Variants in TIAM2 observed in about 807,000 individuals in gnomAD.
TIAM2 encodes TIAM Rac1 associated GEF 2, also known as rho guanine nucleotide exchange factor TIAM2.
TIAM2 carries 80 observed loss-of-function variants against 152.9 expected under a neutral mutation model. That is an observed-to-expected ratio of 0.52 (90% CI 0.44 to 0.63). The LOEUF (loss-of-function observed/expected upper bound fraction) is 0.63, where lower values mean the gene tolerates loss of function less well. TIAM2 is among the 30% of genes least tolerant of loss of function. The pLI is 0.00. For missense variants in TIAM2, 1,965 were observed against 2,120.1 expected (o/e 0.93, Z 1.44); for synonymous variants, 804 against 838.0 (o/e 0.96, Z 0.70).
Position 155,043,633 on chromosome 6 carries a change from C to CAAAAA in TIAM2, c.-208-46636_-208-46632dup, listed in dbSNP as rs60093259. Among the ~76,000 whole-genome samples, 44 of 50,248 alleles carry CAAAAA rather than the reference C, an allele frequency of 8.8e-4. 1 individual carries two copies. Among genetic ancestry groups the CAAAAA allele is most frequent in the African/African-American group, 2.7e-3 (35 of 12,882 alleles). The allele number at this position is 50,248 out of a possible 152,430, so 33.0% of individuals were successfully genotyped here. ...TGGGTGACAGAGTGAGACCCTGTCTCAAAAAAAAAAAAAAAAAAAAAAAAG... is the reference window on the plus strand; with the variant it reads ...TGGGTGACAGAGTGAGACCCTGTCTCAAAAAAAAAAAAAAAAAAAAAAAAAAAAAG... On this transcript the variant is annotated intron_variant, in intron 1 of 26. Coordinates refer to ENST00000682666, the MANE Select transcript of TIAM2 (RefSeq NM_012454.4).
chr6:155,165,241 T>C (rs1780393331), intron 8 of TIAM2, 22 bp from the exon 9 acceptor site: 1 of 1,590,568 alleles, frequency 6.3e-7, no homozygotes, highest in African/African-American at 1.4e-5. Flanking sequence ...TTAGATTTTT[T>C]TTAAACTGTG....
At chr6:155,087,914 T>A (rs1421409654) in intron 1 of TIAM2, among the ~76,000 whole-genome samples, 1 of 151,770 alleles carries the variant, frequency 6.6e-6, no homozygotes, top group Non-Finnish European at 1.5e-5. Flanking sequence ...CTTGGTCAAA[T>A]CACACTACCT....
At chr6:155,158,213 A>G (rs543277660) in intron 7 of TIAM2, among the ~76,000 whole-genome samples, 34 of 152,294 alleles carry the variant, frequency 2.2e-4, no homozygotes, top group African/African-American at 8.2e-4. Flanking sequence ...TGTGGCAGGA[A>G]TGTACTTGTC....
intron 7 of TIAM2, among the ~76,000 whole-genome samples, chr6:155,153,121 A>C (rs752816515): frequency 2.6e-5 from 4 of 152,060 alleles, no homozygotes; most frequent in Non-Finnish European, 5.9e-5. Context: ...AGTTATTTTA[A>C]GTGCACCTTT....
chr6:155,250,504 C>A (rs771394338), intron 21 of TIAM2: 22 of 1,522,084 alleles, frequency 1.4e-5, no homozygotes, highest in Non-Finnish European at 1.8e-5. Flanking sequence ...GTCCTTCACT[C>A]TGGCCAGTTT....
In TIAM2 at chr6:155,071,850, C is replaced by T. The variant is rs187286087; in HGVS notation, c.-208-18439C>T. 5.2e-3 allele frequency among the ~76,000 whole-genome samples: 780 copies of T among 148,998 alleles called. 5 individuals are homozygous for T. The highest frequency in any genetic ancestry group is 8.6e-3 in the Non-Finnish European group (580 of 67,574). ...GGTGGAGGTTACAGTGAACCGAGAT[C>T]GCGTCACTGCACTCCATGCTGGGCA... On this transcript the variant is annotated intron_variant, in intron 1 of 26. Transcript: ENST00000682666.
intron 1 of TIAM2, among the ~76,000 whole-genome samples, chr6:155,033,294 T>C (rs899846047): frequency 6.6e-6 from 1 of 152,160 alleles, no homozygotes; most frequent in South Asian, 2.1e-4. Flanking sequence ...AGGAGCATGG[T>C]TACGTTTTAG....
rs545883458 is a variant in TIAM2 at position 155,059,568 on chromosome 6, G to A, written c.-208-30721G>A. The stretch of plus-strand genomic sequence containing the variant: ...TGACCTCAGGTGATCCACCCAGCCC[G>A]GCCTCCCAAAGTGTTGGGATTACAG... On this transcript the variant is annotated intron_variant, in intron 1 of 26. Coordinates refer to ENST00000682666, the MANE Select transcript of TIAM2 (RefSeq NM_012454.4). Among the ~76,000 whole-genome samples the A allele has an allele frequency of 2.0e-5, 3 of 152,046 alleles. No individual in the cohort carries two copies. The South Asian group carries it at 6.2e-4, about 32-fold the overall frequency.
At chr6:155,205,182 TAAAAAAAAAAAAAAAAAAAAAA>T (rs61272546) in intron 14 of TIAM2, among the ~76,000 whole-genome samples, 9 of 40,544 alleles carry the variant, frequency 2.2e-4, no homozygotes, top group African/African-American at 8.6e-4. Flanking sequence ...TATTAATTTC[TAAAAAAAAAAAAAAAAAAAAAA>T]AAAAAAAAAA....
chr6:155,150,841 C>T (rs761853577), intron 7 of TIAM2, among the ~76,000 whole-genome samples: 4 of 152,096 alleles, frequency 2.6e-5, no homozygotes, highest in Non-Finnish European at 4.4e-5. Flanking sequence ...ATCCTATTCA[C>T]GAGGGCTCAC....
At chr6:154,996,040 CG>C (rs1285165804) in intron 1 of TIAM2, among the ~76,000 whole-genome samples, 1 of 152,162 alleles carries the variant, frequency 6.6e-6, no homozygotes, top group Non-Finnish European at 1.5e-5. Flanking sequence ...TTTCCGAGCG[CG>C]GGAGCCATCC....
chr6:155,054,253 G>C lies in TIAM2; in HGVS notation c.-208-36036G>C, dbSNP rs972550810. Reference sequence around the variant, plus strand: ...TGTGCATCCCCCCTGAGAGGCACTCGTACTCTGTGCACTGATGTCATTTGT... The same window carrying C: ...TGTGCATCCCCCCTGAGAGGCACTCCTACTCTGTGCACTGATGTCATTTGT... On this transcript the variant is annotated intron_variant, in intron 1 of 26. Coordinates refer to ENST00000682666, the MANE Select transcript of TIAM2 (RefSeq NM_012454.4). 2.2e-4 allele frequency among the ~76,000 whole-genome samples: 33 copies of C among 152,130 alleles called. No individual in the cohort carries two copies. The Middle Eastern group carries it at 0.013, about 58-fold the overall frequency.
rs115025215 is a variant in TIAM2 at position 155,216,824 on chromosome 6, A to G, written c.3168+5517A>G. On this transcript the variant is annotated intron_variant, in intron 15 of 26. Transcript: ENST00000682666. Reference sequence around the variant, plus strand: ...CTGTGGTAACCCGGTGCCTTTCTAGAGCAGGCAGGCTCCCGGCATGGGTGG... The same window carrying G: ...CTGTGGTAACCCGGTGCCTTTCTAGGGCAGGCAGGCTCCCGGCATGGGTGG... 4,748 of 1,003,100 alleles carry G rather than the reference A, an allele frequency of 4.7e-3. 186 individuals carry two copies. In the African/African-American group the frequency reaches 0.076, roughly 16 times the overall value. The allele number at this position is 1,003,100 out of a possible 1,614,324, so 62.1% of individuals were successfully genotyped here. A position where few individuals can be genotyped will look rare whatever the true frequency, so the allele number is the denominator to read the frequency against.
chr6:155,051,248 C>T (rs1445572382), intron 1 of TIAM2, among the ~76,000 whole-genome samples: 1 of 152,062 alleles, frequency 6.6e-6, no homozygotes, highest in East Asian at 1.9e-4. Flanking sequence ...TCTCAGAGGC[C>T]AAGTCCGGAA....
chr6:155,065,096 G>A (rs983838347), intron 1 of TIAM2, among the ~76,000 whole-genome samples: 1 of 152,092 alleles, frequency 6.6e-6, no homozygotes, highest in Non-Finnish European at 1.5e-5. Context: ...TGGGACTACA[G>A]GCACCCGACA....
intron 7 of TIAM2, among the ~76,000 whole-genome samples, chr6:155,152,704 G>A (rs1385425762): frequency 1.3e-5 from 2 of 152,100 alleles, no homozygotes; most frequent in African/African-American, 4.8e-5. Flanking sequence ...TCGAAGGGAT[G>A]CCCAGCTTGG....
intron 19 of TIAM2, among the ~76,000 whole-genome samples, chr6:155,247,608 G>A (rs563366560): frequency 2.6e-5 from 4 of 152,244 alleles, no homozygotes; most frequent in Admixed American, 6.5e-5. Flanking sequence ...GATTACGGGC[G>A]TGAGCCACCG....
At chr6:155,110,313 C>CTTTTTTTTTTTTTTTTTTTTTTTTTT (rs1488922028) in intron 2 of TIAM2, among the ~76,000 whole-genome samples, 1 of 90,370 alleles carries the variant, frequency 1.1e-5, no homozygotes, top group Non-Finnish European at 2.2e-5. Context: ...TTTCCTCTTT[C>CTTTTTTTTTTTTTTTTTTTTTTTTTT]TTTTCTTTTT....
intron 26 of TIAM2, chr6:155,255,844 CA>C: frequency 1.3e-5 from 2 of 152,372 alleles, no homozygotes; most frequent in Non-Finnish European, 2.9e-5. Context: ...CCCATCTCTA[CA>C]AAAAAAATAT....
Sources: allele counts gnomAD v4.1 joint callset (sites outside exome capture counted in the v4.1 genomes callset), GRCh38; gene constraint gnomAD v4.1.1; transcripts MANE v1.5; gene names NCBI Gene and HGNC (gene_info 2026-07-23, HGNC 2026-07-21).